Variants in MALRD1 observed in about 807,000 individuals in gnomAD.
MALRD1 encodes MAM and LDL receptor class A domain containing 1.
A neutral mutation model predicts 242.1 loss-of-function variants in MALRD1; 247 were observed. The ratio of observed to expected loss-of-function variants is 1.02; its 90% CI spans 0.92 to 1.13. The LOEUF (loss-of-function observed/expected upper bound fraction) is 1.13. Ranked by LOEUF, MALRD1 falls within the 50% of genes most tolerant of loss-of-function variation. MALRD1 has a pLI of 0.00. For synonymous variants in MALRD1, 995 were observed against 866.6 expected, an observed-to-expected ratio of 1.15 and a Z score of -2.60; for missense variants, 2,989 against 2,533.1, an observed-to-expected ratio of 1.18 and a Z score of -3.86.
At position 19,209,785 on chromosome 10, in the gene MALRD1, A is replaced by G. The variant is rs1836962854; in HGVS notation, c.2991+105A>G. 3.4e-6 allele frequency: 4 copies of G among 1,190,094 alleles called. No homozygotes were observed. In the African/African-American group the frequency reaches 4.6e-5, roughly 14 times the overall value. The allele number at this position is 1,190,094 out of a possible 1,614,324, so 73.7% of individuals were successfully genotyped here. ...AATTAAAAGCAAGTGGAATTTGATCAAAGTTACATTGAGACACATTTATCA... is the reference window on the plus strand; with the variant it reads ...AATTAAAAGCAAGTGGAATTTGATCGAAGTTACATTGAGACACATTTATCA... On this transcript the variant is annotated intron_variant, in intron 18 of 39. Transcript: ENST00000454679.
Position 19,325,006 on chromosome 10 carries a change from C to CTTTTT in MALRD1, c.3576+917_3576+921dup, listed in dbSNP as rs34290618. On this transcript the variant is annotated intron_variant, in intron 22 of 39. Coordinates refer to ENST00000454679, the MANE Select transcript of MALRD1 (RefSeq NM_001142308.3). ...CACAAATTTTTGCCTTCAGTAGTTG[C>CTTTTT]TTTTTTTTTTTTTTTTTTTTGCTTG... 8.7e-3 allele frequency among the ~76,000 whole-genome samples: 677 copies of CTTTTT among 77,924 alleles called. 1 individual carries two copies. Among genetic ancestry groups the CTTTTT allele is most frequent in the East Asian group, 0.011 (25 of 2,358 alleles). 51.1% of individuals were successfully genotyped at this position (77,924 alleles called of 152,430 possible).
intron 14 of MALRD1, among the ~76,000 whole-genome samples, chr10:19,184,791 A>C (rs1588667251): frequency 1.3e-5 from 2 of 151,902 alleles, no homozygotes; most frequent in Non-Finnish European, 2.9e-5. Flanking sequence ...CAGGTGATCC[A>C]CTCGCCTTGG....
chr10:19,450,776 A>T lies in MALRD1; in HGVS notation c.5029+286A>T, dbSNP rs538296039. On this transcript the variant is annotated intron_variant, in intron 29 of 39. Transcript: ENST00000454679. ...AGGCTGGGAAGTCCAAGATCAAGAC[A>T]GGCAGATTTGGTATCTGGTGAAGGC... Among the ~76,000 whole-genome samples the T allele has an allele frequency of 1.3e-5, 2 of 152,310 alleles. 1 individual carries two copies. The highest frequency in any genetic ancestry group is 3.9e-4 in the East Asian group (2 of 5,172).
intron 14 of MALRD1, among the ~76,000 whole-genome samples, chr10:19,181,840 T>C (rs914884201): frequency 2.0e-5 from 3 of 152,174 alleles, no homozygotes; most frequent in Admixed American, 6.5e-5. Context: ...TGTATATCTT[T>C]AATATACATA....
At chr10:19,615,803 TTCC>T in intron 35 of MALRD1, 51 bp from the exon 36 acceptor site, 1 of 1,283,306 alleles carries the variant, frequency 7.8e-7, no homozygotes, top group Non-Finnish European at 1.1e-6. Context: ...TATCTTCTTC[TTCC>T]TCCTAATACT....
chr10:19,718,120 GA>G, intron 38 of MALRD1, among the ~76,000 whole-genome samples: 1 of 149,934 alleles, frequency 6.7e-6, no homozygotes, highest in African/African-American at 2.5e-5. Flanking sequence ...AGAAGAAGAA[GA>G]AGAAGAGGAA....
chr10:19,088,910 A>G (rs1835789561), intron 4 of MALRD1, among the ~76,000 whole-genome samples: 1 of 14,584 alleles, frequency 6.9e-5, no homozygotes, highest in Non-Finnish European at 1.3e-4. Flanking sequence ...TACAAAGGAC[A>G]TGAACTCATC....
chr10:19,094,106 G>C (rs1220167265), intron 4 of MALRD1, among the ~76,000 whole-genome samples: 2 of 110,960 alleles, frequency 1.8e-5, no homozygotes, highest in Non-Finnish European at 3.8e-5. Flanking sequence ...TCCTTGAGCT[G>C]TGGTGGGCTC....
intron 8 of MALRD1, among the ~76,000 whole-genome samples, chr10:19,129,982 A>G (rs569771464): frequency 1.8e-4 from 27 of 151,416 alleles, no homozygotes; most frequent in African/African-American, 5.8e-4. Flanking sequence ...ATATACACAC[A>G]TATAGATATA....
At chr10:19,107,831 T>TAA (rs1836523693) in intron 5 of MALRD1, among the ~76,000 whole-genome samples, 1 of 152,086 alleles carries the variant, frequency 6.6e-6, no homozygotes, top group African/African-American at 2.4e-5. Context: ...CCATGGGGCT[T>TAA]ACATTTAAAA....
intron 14 of MALRD1, among the ~76,000 whole-genome samples, chr10:19,200,645 G>GTTTTTTTTTTTTTTTTTTT (rs71387053): frequency 1.4e-5 from 1 of 69,450 alleles, no homozygotes; most frequent in Admixed American, 1.9e-4. Context: ...CCTGCTTGAG[G>GTTTTTTTTTTTTTTTTTTT]TTTTTTTTTT....
chr10:19,668,611 A>G (rs1743279213), intron 36 of MALRD1, among the ~76,000 whole-genome samples: 2 of 152,212 alleles, frequency 1.3e-5, no homozygotes, highest in Admixed American at 6.5e-5. Context: ...CTGAAGAGAA[A>G]CATTTAATTC....
chr10:19,238,181 T>A (rs193038522), intron 18 of MALRD1, among the ~76,000 whole-genome samples: 5,165 of 58,726 alleles, frequency 0.088, 572 homozygotes, highest in Non-Finnish European at 0.11. Flanking sequence ...TTATATATAA[T>A]ATGTAATATA....
intron 17 of MALRD1, among the ~76,000 whole-genome samples, chr10:19,206,812 T>C (rs1279652108): frequency 1.3e-5 from 2 of 152,088 alleles, no homozygotes; most frequent in African/African-American, 4.8e-5. Flanking sequence ...AGACAGACAA[T>C]AGAAAAACGT....
intron 33 of MALRD1, among the ~76,000 whole-genome samples, chr10:19,571,775 CTTTG>C (rs2131474547): frequency 6.6e-6 from 1 of 152,228 alleles, no homozygotes; most frequent in South Asian, 2.1e-4. Context: ...AAACTACTAG[CTTTG>C]TTTGTCTTTC....
intron 5 of MALRD1, among the ~76,000 whole-genome samples, chr10:19,108,169 C>T (rs551827711): frequency 6.6e-6 from 1 of 152,006 alleles, no homozygotes; most frequent in Non-Finnish European, 1.5e-5. Context: ...GTCACATAGG[C>T]TTTGCTTGCT....
At chr10:19,275,478 T>G (rs112275792) in intron 19 of MALRD1, among the ~76,000 whole-genome samples, 3 of 151,890 alleles carry the variant, frequency 2.0e-5, no homozygotes, top group African/African-American at 4.8e-5. Flanking sequence ...ACCATCCTGG[T>G]TAACACAGTG....
chr10:19,212,616 C>A (rs1052553909), intron 18 of MALRD1, among the ~76,000 whole-genome samples: 2 of 152,166 alleles, frequency 1.3e-5, no homozygotes, highest in African/African-American at 4.8e-5. Flanking sequence ...CCCAGGAGTG[C>A]AATGGCTGAG....
At chr10:19,290,389 T>C (rs1841356153) in intron 21 of MALRD1, 1 of 152,224 alleles carries the variant, frequency 6.6e-6, no homozygotes, top group Admixed American at 6.5e-5. Flanking sequence ...TTTCTCCTGC[T>C]CAGCAGGGCT....
Sources: gnomAD v4.1 joint callset for allele counts (sites outside exome capture counted in the v4.1 genomes callset) on GRCh38, gnomAD v4.1.1 for gene constraint, MANE v1.5 for transcripts, NCBI Gene and HGNC (gene_info 2026-07-23, HGNC 2026-07-21) for gene names.